The following ANKRD13C variants were observed in gnomAD, a reference collection of about 807,000 sequenced individuals.
The protein encoded by ANKRD13C is ankyrin repeat domain-containing protein 13C.
A neutral mutation model predicts 65.5 loss-of-function variants in ANKRD13C; 16 were observed. The ratio of observed to expected loss-of-function variants is 0.24; its 90% CI spans 0.17 to 0.37. ANKRD13C has a LOEUF of 0.37. Ranked by LOEUF, ANKRD13C falls within the 10% of genes least tolerant of loss-of-function variation. The probability of loss-of-function intolerance (pLI) is 1.00; values close to 1 mark genes in which losing one functional copy is unlikely to be tolerated. For missense variants in ANKRD13C, 503 were observed against 655.9 expected (o/e 0.77, Z 2.55); for synonymous variants, 235 against 238.7 (o/e 0.98, Z 0.14).
rs1398259378 is a variant in ANKRD13C, at chr1:70,302,618, T to C, written c.777-1710A>G. ...GCGGGCGCCTGTAGTCCCAGCTACTTGGGAGGCTGAGGCGGGAGAATGGCG... is the reference window on the plus strand; with the variant it reads ...GCGGGCGCCTGTAGTCCCAGCTACTCGGGAGGCTGAGGCGGGAGAATGGCG... On this transcript the variant is annotated intron_variant, in intron 6 of 12. Transcript: ENST00000370944. Among the ~76,000 whole-genome samples, 7 of 126,138 alleles carry C rather than the reference T, an allele frequency of 5.5e-5. 1 individual carries two copies. The highest frequency in any genetic ancestry group is 9.6e-5 in the Non-Finnish European group (6 of 62,454). The allele number at this position is 126,138 out of a possible 152,430, so 82.8% of individuals were successfully genotyped here.
chr1:70,266,103 C>T (rs957084712), intron 12 of ANKRD13C, among the ~76,000 whole-genome samples: 18 of 152,102 alleles, frequency 1.2e-4, no homozygotes, highest in Admixed American at 1.2e-3. Context: ...ATGTTGGATC[C>T]CACAGTGTTG....
chr1:70,354,510 C>A lies in ANKRD13C; in HGVS notation c.-102G>T. 2.7e-6 allele frequency: 4 copies of A among 1,461,018 alleles called. No individual in the cohort carries two copies. Among genetic ancestry groups the A allele is most frequent in the Non-Finnish European group, 3.6e-6 (4 of 1,111,896 alleles). The allele number at this position is 1,461,018 out of a possible 1,614,324, so 90.5% of individuals were successfully genotyped here. A position where few individuals can be genotyped will look rare whatever the true frequency, so the allele number is the denominator to read the frequency against. ...CGATTAGAGCGGTGGCCAAGAGCCT[C>A]CAGCGCAGCATGAACTCCCACTGAG... On this transcript the variant is annotated 5_prime_UTR_variant, in exon 1 of 13. Transcript: ENST00000370944.
At chr1:70,285,369 A>G (rs1391616493) in intron 9 of ANKRD13C, among the ~76,000 whole-genome samples, 1 of 151,466 alleles carries the variant, frequency 6.6e-6, no homozygotes, top group African/African-American at 2.4e-5. Context: ...TTTTATTTGT[A>G]TATTTAGTTG....
intron 1 of ANKRD13C, among the ~76,000 whole-genome samples, chr1:70,345,062 T>C (rs754475576): frequency 3.9e-5 from 6 of 152,150 alleles, no homozygotes; most frequent in Non-Finnish European, 7.4e-5. Context: ...AATTCACAGT[T>C]GATAAGAGTG....
intron 2 of ANKRD13C, among the ~76,000 whole-genome samples, chr1:70,326,733 A>C (rs978375790): frequency 6.6e-6 from 1 of 152,184 alleles, no homozygotes; most frequent in Non-Finnish European, 1.5e-5. Flanking sequence ...GACATGTTGC[A>C]TCTACATTAC....
intron 9 of ANKRD13C, among the ~76,000 whole-genome samples, chr1:70,282,993 T>C (rs1205336407): frequency 6.6e-6 from 1 of 152,224 alleles, no homozygotes; most frequent in East Asian, 1.9e-4. Flanking sequence ...TCCAAATAAA[T>C]TCTTTCTAAA....
At position 70,262,108 on chromosome 1, in the gene ANKRD13C, T is replaced by C. The variant is rs922541006; in HGVS notation, c.*609A>G. On this transcript the variant is annotated 3_prime_UTR_variant, in exon 13 of 13. Coordinates refer to ENST00000370944, the MANE Select transcript of ANKRD13C (RefSeq NM_030816.5). ...TCCTTCTGAAATGTATTGCAACATA[T>C]AAATGCAATTGTTTAATGGTTACCA... 3.3e-5 allele frequency: 5 copies of C among 152,614 alleles called. No individual in the cohort carries two copies. The highest frequency in any genetic ancestry group is 1.2e-4 in the African/African-American group (5 of 41,466). 9.5% of individuals were successfully genotyped at this position (152,614 alleles called of 1,614,324 possible). A position where few individuals can be genotyped will look rare whatever the true frequency, so the allele number is the denominator to read the frequency against.
At chr1:70,281,331 G>T (rs1435873048) in intron 9 of ANKRD13C, among the ~76,000 whole-genome samples, 1 of 150,312 alleles carries the variant, frequency 6.7e-6, no homozygotes, top group African/African-American at 2.4e-5. Context: ...ATGAGCACAT[G>T]ACTTCCTAGA....
chr1:70,292,562 C>T lies in ANKRD13C; in HGVS notation c.1054-13G>A. 6.4e-7 allele frequency: 1 copy of T among 1,568,092 alleles called. No individual in the cohort carries two copies. The highest frequency in any genetic ancestry group is 8.6e-7 in the Non-Finnish European group (1 of 1,165,448). On this transcript the variant is annotated splice_polypyrimidine_tract_variant and intron_variant, in intron 8 of 12. Transcript: ENST00000370944. ...TTCCTACTCTTTCCTAAAACAAAAC[C>T]AAATATTTAAAAGTAAAATTTTTAG... is the stretch of plus-strand genomic sequence containing the variant.
At chr1:70,291,529 T>C (rs903258386) in intron 9 of ANKRD13C, among the ~76,000 whole-genome samples, 3 of 152,326 alleles carry the variant, frequency 2.0e-5, no homozygotes, top group Middle Eastern at 3.4e-3. Context: ...TGTCACACAA[T>C]TCTTTGCATA....
rs370449696 is a variant in ANKRD13C at position 70,263,557 on chromosome 1, A to G, written c.1496-710T>C. ...CCTCATATGAGTTACTGACATGAGT[A>G]CAAATCATAAAGCCTGGATTCAGAT... On this transcript the variant is annotated intron_variant, in intron 12 of 12. Transcript: ENST00000370944. Among the ~76,000 whole-genome samples, 12 of 152,354 alleles carry G rather than the reference A, an allele frequency of 7.9e-5. No individual in the cohort carries two copies. In the East Asian group the frequency reaches 1.9e-3, roughly 24 times the overall value.
intron 9 of ANKRD13C, among the ~76,000 whole-genome samples, chr1:70,289,522 T>C (rs958032577): frequency 1.2e-4 from 19 of 152,074 alleles, no homozygotes; most frequent in African/African-American, 4.1e-4. Flanking sequence ...TGGAGTGCAG[T>C]GGCACGATCT....
At chr1:70,285,479 G>A (rs1338052048) in intron 9 of ANKRD13C, among the ~76,000 whole-genome samples, 1 of 151,944 alleles carries the variant, frequency 6.6e-6, no homozygotes, top group East Asian at 1.9e-4. Context: ...ACAGGCGTAA[G>A]CCACTGCACC....
rs565253867 is a variant in ANKRD13C at position 70,321,446 on chromosome 1, CCT to C, written c.577+3405_577+3406del. On this transcript the variant is annotated intron_variant, in intron 3 of 12. Coordinates refer to ENST00000370944, the MANE Select transcript of ANKRD13C (RefSeq NM_030816.5). The stretch of plus-strand genomic sequence containing the variant: ...AAACCAATATGAACTGCTGTCTCTT[CCT>C]CCACATTAACACCTTTGATGTGCCA... Among the ~76,000 whole-genome samples the C allele has an allele frequency of 3.6e-4, 55 of 152,266 alleles. 1 individual carries two copies. The South Asian group carries it at 0.011, about 30-fold the overall frequency.
chr1:70,282,466 C>G (rs943731450), intron 9 of ANKRD13C, among the ~76,000 whole-genome samples: 1 of 152,134 alleles, frequency 6.6e-6, no homozygotes, highest in Non-Finnish European at 1.5e-5. Flanking sequence ...AAAAACCACA[C>G]AAACTCAGAT....
chr1:70,350,279 T>C (rs1181336403), intron 1 of ANKRD13C, among the ~76,000 whole-genome samples: 1 of 152,256 alleles, frequency 6.6e-6, no homozygotes, highest in African/African-American at 2.4e-5. Context: ...CTGGGCACCA[T>C]CTTCTAAGGG....
At chr1:70,346,613 T>G (rs1456314268) in intron 1 of ANKRD13C, among the ~76,000 whole-genome samples, 1 of 152,112 alleles carries the variant, frequency 6.6e-6, no homozygotes, top group Admixed American at 6.5e-5. Flanking sequence ...AGGGGATAAT[T>G]TCTGCATTCT....
intron 3 of ANKRD13C, 63 bp from the exon 4 acceptor site, chr1:70,315,629 G>A: frequency 7.8e-7 from 1 of 1,289,622 alleles, no homozygotes; most frequent in South Asian, 1.3e-5. Flanking sequence ...AACACCACTG[G>A]CTTATTATAC....
chr1:70,329,622 T>G (rs943671765), intron 2 of ANKRD13C, among the ~76,000 whole-genome samples: 1 of 152,108 alleles, frequency 6.6e-6, no homozygotes, highest in Non-Finnish European at 1.5e-5. Flanking sequence ...CATGTAAGAT[T>G]TATACATTGT....
Sources: allele counts gnomAD v4.1 joint callset (sites outside exome capture counted in the v4.1 genomes callset), GRCh38; gene constraint gnomAD v4.1.1; transcripts MANE v1.5; gene names NCBI Gene and HGNC (gene_info 2026-07-23, HGNC 2026-07-21).